Variants in ABCA7 observed in about 807,000 individuals in gnomAD.
ABCA7 encodes ATP binding cassette subfamily A member 7, also known as phospholipid-transporting ATPase ABCA7.
A neutral mutation model predicts 227.6 loss-of-function variants in ABCA7; 261 were observed. The observed-to-expected ratio is 1.15, with a 90% confidence interval of 1.04 to 1.27. ABCA7 has a LOEUF of 1.27. Ranked by LOEUF, ABCA7 falls within the 50% of genes most tolerant of loss-of-function variation. ABCA7 has a pLI of 0.00. For synonymous variants in ABCA7, 1,488 were observed against 1,279.7 expected (o/e 1.16, Z -3.47); for missense variants, 3,331 against 2,924.5 (o/e 1.14, Z -3.21).
At chr19:1,059,465 C>T (rs1198242191) in intron 40 of ABCA7, among the ~76,000 whole-genome samples, 2 of 150,804 alleles carry the variant, frequency 1.3e-5, no homozygotes, top group Non-Finnish European at 2.9e-5. Context: ...CGGGGTTTCA[C>T]CGTGTTAGCC....
intron 11 of ABCA7, 70 bp from the exon 12 acceptor site, chr19:1,044,932 G>C (rs1420121506): frequency 1.3e-6 from 2 of 1,565,894 alleles, no homozygotes; most frequent in East Asian, 2.3e-5. Flanking sequence ...CCGAGGTCCA[G>C]GGGGAGGAGC....
At chr19:1,047,053 A>T in intron 14 of ABCA7, 29 bp downstream of exon 14, 1 of 1,551,702 alleles carries the variant, frequency 6.4e-7, no homozygotes. Flanking sequence ...GCCCGGCTGC[A>T]GAATGGGTGC....
chr19:1,044,822 C>T, intron 11 of ABCA7, 78 bp downstream of exon 11: 1 of 1,516,594 alleles, frequency 6.6e-7, no homozygotes, highest in Middle Eastern at 2.4e-4. Flanking sequence ...CCTGGTGTTC[C>T]CAGGGGGAGG....
intron 18 of ABCA7, among the ~76,000 whole-genome samples, chr19:1,050,528 T>C (rs1253686392): frequency 2.0e-5 from 3 of 151,926 alleles, no homozygotes; most frequent in East Asian, 1.9e-4. Flanking sequence ...TCCCAGCACT[T>C]TGGGGGGCCG....
intron 34 of ABCA7, 21 bp downstream of exon 34, chr19:1,057,105 G>A (rs774158708): frequency 6.2e-7 from 1 of 1,603,248 alleles, no homozygotes; most frequent in Non-Finnish European, 8.5e-7. Context: ...TGCTTGGACG[G>A]GTGGGGGCCC....
chr19:1,049,016 A>G lies in ABCA7; in HGVS notation c.2380+11A>G. Reference sequence around the variant, plus strand: ...CGCTGGACCCAAAGGGTGAGGCACTACGAGGCTTAATAGCTGGTTGTCCAC... The same window carrying G: ...CGCTGGACCCAAAGGGTGAGGCACTGCGAGGCTTAATAGCTGGTTGTCCAC... On this transcript the variant is annotated intron_variant, in intron 17 of 46. Coordinates refer to ENST00000263094, the MANE Select transcript of ABCA7 (RefSeq NM_019112.4). The G allele has an allele frequency of 2.0e-6, 3 of 1,501,848 alleles. No individual in the cohort carries two copies. The highest frequency in any genetic ancestry group is 2.7e-6 in the Non-Finnish European group (3 of 1,104,538). The allele number at this position is 1,501,848 out of a possible 1,614,324, so 93.0% of individuals were successfully genotyped here.
rs751734479 is a variant in ABCA7 at position 1,054,790 on chromosome 19, C to T, written c.3862C>T (p.Pro1288Ser). 8 of 1,599,190 alleles carry T rather than the reference C, an allele frequency of 5.0e-6. No individual in the cohort carries two copies. The highest frequency in any genetic ancestry group is 1.1e-5 in the South Asian group (1 of 89,294). Residue 1288 changes from proline to serine, a missense_variant, in exon 29 of 47, where the codon CCA becomes TCA. Transcript: ENST00000263094. This position sits in a 1 kb window ranked among gnomAD's most constrained non-coding sequence, Gnocchi z 4.8. The part of the protein sequence containing the change: ...AQVSFFSEDA[P>S]GDPGRARLLE... ...TCCCCTCACACACAGTGAGGACGCCCCAGGGGACCCTGGACGTGCCCGGCT... is the reference window on the plus strand; with the variant it reads ...TCCCCTCACACACAGTGAGGACGCCTCAGGGGACCCTGGACGTGCCCGGCT...
In ABCA7 at chr19:1,056,630, G is replaced by A. The variant is rs1044587341; in HGVS notation, c.4586+131G>A. ...GCTTTATAAATGGGGGATAGAAACT[G>A]TTCCTCTGCTCCCTAAGCCAGGGAA... is the stretch of plus-strand genomic sequence containing the variant. On this transcript the variant is annotated intron_variant, in intron 33 of 46. Coordinates refer to ENST00000263094, the MANE Select transcript of ABCA7 (RefSeq NM_019112.4). This position sits in a 1 kb window ranked among gnomAD's most constrained non-coding sequence, Gnocchi z 4.3. 4 of 1,258,192 alleles carry A rather than the reference G, an allele frequency of 3.2e-6. No homozygotes were observed. The highest frequency in any genetic ancestry group is 4.4e-6 in the Non-Finnish European group (4 of 918,418). 77.9% of individuals were successfully genotyped at this position (1,258,192 alleles called of 1,614,324 possible). A position where few individuals can be genotyped will look rare whatever the true frequency, so the allele number is the denominator to read the frequency against.
chr19:1,061,713 AAAG>A lies in ABCA7; in HGVS notation c.5464-66_5464-64del, dbSNP rs1212046655. 28 of 1,453,622 alleles carry A rather than the reference AAAG, an allele frequency of 1.9e-5. No homozygotes were observed. In the Admixed American group the frequency reaches 5.7e-4, roughly 30 times the overall value. The allele number at this position is 1,453,622 out of a possible 1,614,324, so 90.0% of individuals were successfully genotyped here. ...AAACTTGGTCTCAAAAAAAAAAAAA[AAAG>A]AAATCAGAGATGCCGGAACCAGGGC... On this transcript the variant is annotated intron_variant, in intron 40 of 46. Transcript: ENST00000263094.
intron 17 of ABCA7, 49 bp downstream of exon 17, chr19:1,049,054 C>T (rs370600755): frequency 3.7e-6 from 4 of 1,077,960 alleles, no homozygotes; most frequent in Non-Finnish European, 5.4e-6. Context: ...ATGCCCAGTT[C>T]CCCCCCAAAA....
intron 44 of ABCA7, 25 bp downstream of exon 44, chr19:1,063,888 G>A: frequency 6.6e-7 from 1 of 1,512,478 alleles, no homozygotes; most frequent in Non-Finnish European, 8.9e-7. Context: ...GATGCCCTGG[G>A]CTGTGGTTAA....
chr19:1,064,873 A>T, intron 45 of ABCA7, 58 bp from the exon 46 acceptor site: 1 of 1,514,416 alleles, frequency 6.6e-7, no homozygotes, highest in Non-Finnish European at 8.9e-7. Flanking sequence ...CTGGAGGGTG[A>T]GCTGAGGTGG....
rs140933796 is a variant in ABCA7, at chr19:1,058,840, C to T, written c.5300C>T (p.Pro1767Leu). 2.5e-5 allele frequency: 40 copies of T among 1,576,384 alleles called. No homozygotes were observed. The South Asian group carries it at 4.3e-4, about 17-fold the overall frequency. ...LLPQPRVRSL[P>L]LLGEEDEDVA... ...CCCAGGCCCAGGGTGAGGTCTCTGC[C>T]ACTCCTGGGAGAGGAGGACGAGGAT... The change falls in exon 39 of 47, where the codon CCA becomes CTA. Residue 1767 changes from proline (P) to leucine (L), a missense_variant. Pro to Leu is a moderately conservative substitution (Grantham distance 98). Transcript: ENST00000263094.
chr19:1,044,864 G>T, intron 11 of ABCA7, 120 bp downstream of exon 11: 3 of 1,462,928 alleles, frequency 2.1e-6, no homozygotes, highest in Non-Finnish European at 2.7e-6. Context: ...CCTGGGATTT[G>T]TAGAGATCTC....
In ABCA7 at chr19:1,048,988, C is replaced by T. The variant is rs763104105; in HGVS notation, c.2363C>T (p.Thr788Ile). The T allele has an allele frequency of 5.7e-5, 91 of 1,594,038 alleles. No homozygotes were observed. The highest frequency in any genetic ancestry group is 8.7e-5 in the Admixed American group (5 of 57,396). The change falls in exon 17 of 47, where the codon ACC (threonine) becomes ATC (isoleucine). Residue 788 changes from threonine (T) to isoleucine (I), a missense_variant. Thr to Ile is a moderately conservative substitution (Grantham distance 89). Coordinates refer to ENST00000263094, the MANE Select transcript of ABCA7 (RefSeq NM_019112.4). ...CCCAAGAGTCCAGCCCCTTGCCCCA[C>T]CCCGCTGGACCCAAAGGGTGAGGCA... ...RPPKSPAPCP[T>I]PLDPKVLVEE... is the part of the protein sequence containing the mutation.
Position 1,054,272 on chromosome 19 carries a change from G to A in ABCA7, c.3657G>A (p.Gln1219=). 6.2e-7 allele frequency: 1 copy of A among 1,608,422 alleles called. No homozygotes were observed. Among genetic ancestry groups the A allele is most frequent in the Non-Finnish European group, 8.5e-7 (1 of 1,179,268 alleles). Residue 1219 remains glutamine, a synonymous_variant, in exon 27 of 47, where the codon CAG becomes CAA. Coordinates refer to ENST00000263094, the MANE Select transcript of ABCA7 (RefSeq NM_019112.4). The surrounding 1 kb of genome is among the most constrained non-coding windows in gnomAD (Gnocchi z 4.8). ...TACAGGGCTGGGCACTGACCCGCCA[G>A]CAGCTCCAGGCCCTGCTTCTCAAGC... is the stretch of plus-strand genomic sequence containing the variant. ...GRVQGWALTR[Q]QLQALLLKRF... is the part of the protein sequence containing the mutation.
In ABCA7 at chr19:1,062,327, G is replaced by A. The variant is rs1159077799; in HGVS notation, c.5712+14G>A. 6.3e-7 allele frequency: 1 copy of A among 1,599,236 alleles called. No homozygotes were observed. Among genetic ancestry groups the A allele is most frequent in the Non-Finnish European group, 8.5e-7 (1 of 1,178,780 alleles). ...CAGGTTGCCCAGGTGAGCCCACTTT[G>A]TCCCCACCGCTCTCACCTCCCAGGG... is the stretch of plus-strand genomic sequence containing the variant. On this transcript the variant is annotated intron_variant, in intron 42 of 46. Transcript: ENST00000263094.
Position 1,052,246 on chromosome 19 carries a change from C to CG in ABCA7, c.3180_3181insG (p.Arg1061GlufsTer50). On this transcript the variant is annotated frameshift_variant, in exon 23 of 47. Transcript: ENST00000263094. LOFTEE classifies it high-confidence loss of function. Reference sequence around the variant, plus strand: ...CTGACATGGAGGGCAGTGTGGACACCAGGCAGGAAAAGAAGAATGGCAGCC... The same window carrying CG: ...CTGACATGGAGGGCAGTGTGGACACCGAGGCAGGAAAAGAAGAATGGCAGCC... The CG allele has an allele frequency of 6.4e-7, 1 of 1,558,186 alleles. No individual in the cohort carries two copies. The highest frequency in any genetic ancestry group is 1.9e-5 in the Admixed American group (1 of 51,650).
chr19:1,063,112 G>C (rs11673397), intron 42 of ABCA7, among the ~76,000 whole-genome samples: 37 of 62,252 alleles, frequency 5.9e-4, no homozygotes, highest in East Asian at 2.0e-3. Flanking sequence ...TGGCCCCGCC[G>C]CATACTCATG....
Sources: gnomAD v4.1 joint callset for allele counts (sites outside exome capture counted in the v4.1 genomes callset) on GRCh38, gnomAD v4.1.1 for gene constraint, Gnocchi (gnomAD v3.1) non-coding constraint, MANE v1.5 for transcripts, NCBI Gene and HGNC (gene_info 2026-07-23, HGNC 2026-07-21) for gene names.